The following TPCN2 variants were observed in gnomAD, a reference collection of about 807,000 sequenced individuals.
TPCN2 encodes the protein two pore channel protein 2.
In TPCN2, 92 loss-of-function variants were observed where a neutral mutation model predicts 111.4. The ratio of observed to expected loss-of-function variants is 0.83; its 90% confidence interval spans 0.70 to 0.98. The LOEUF (loss-of-function observed/expected upper bound fraction) is 0.98, where lower values mean the gene tolerates loss of function less well. TPCN2 is among the 50% of genes least tolerant of loss of function. The pLI is 0.00. For missense variants in TPCN2, 995 were observed against 980.1 expected, an observed-to-expected ratio of 1.02 and a Z score of -0.20; for synonymous variants, 405 against 414.5, an observed-to-expected ratio of 0.98 and a Z score of 0.28.
intron 5 of TPCN2, among the ~76,000 whole-genome samples, chr11:69,058,590 G>A (rs928123790): frequency 3.3e-5 from 5 of 152,244 alleles, no homozygotes; most frequent in African/African-American, 7.2e-5. Flanking sequence ...TCCTGTCCCC[G>A]CCTGCCCCAG....
At chr11:69,054,864 A>C (rs534003275) in intron 3 of TPCN2, 67 bp downstream of exon 3, 1 of 1,514,178 alleles carries the variant, frequency 6.6e-7, no homozygotes, top group South Asian at 1.2e-5. Context: ...GCTGGCCCCC[A>C]CCTGGGGATC....
chr11:69,087,744 T>G, intron 24 of TPCN2, 131 bp from the exon 25 acceptor site: 1 of 650,920 alleles, frequency 1.5e-6, no homozygotes, highest in Non-Finnish European at 2.7e-6. Context: ...CTCATCTGAG[T>G]CCCCGTGTCT....
At chr11:69,076,978 T>C (rs373034220) in intron 13 of TPCN2, among the ~76,000 whole-genome samples, 32 of 87,694 alleles carry the variant, frequency 3.6e-4, no homozygotes, top group Admixed American at 6.7e-4. Context: ...CCTCCTGCCA[T>C]GTCCCTCCAC....
At chr11:69,087,375 G>T (rs1405384214) in intron 24 of TPCN2, among the ~76,000 whole-genome samples, 169 bp downstream of exon 24, 1 of 152,184 alleles carries the variant, frequency 6.6e-6, no homozygotes. Context: ...AGCCGGGATC[G>T]GGGCGGCTTC....
At position 69,054,112 on chromosome 11, in the gene TPCN2, C is replaced by T. The variant is rs758216696; in HGVS notation, c.174+15C>T. 13 of 1,610,604 alleles carry T rather than the reference C, an allele frequency of 8.1e-6. No homozygotes were observed. Among genetic ancestry groups the T allele is most frequent in the South Asian group, 1.1e-5 (1 of 90,952 alleles). ...ATGCTATTCAGGTCGGTGGCACCTGCTCCCTGTGGCCGGGCCTGGGGGGTG... is the reference window on the plus strand; with the variant it reads ...ATGCTATTCAGGTCGGTGGCACCTGTTCCCTGTGGCCGGGCCTGGGGGGTG... On this transcript the variant is annotated intron_variant, in intron 2 of 24. Coordinates refer to ENST00000294309, the MANE Select transcript of TPCN2 (RefSeq NM_139075.4).
Position 69,082,710 on chromosome 11 carries a change from CGCGT to C in TPCN2, c.1689+1214_1689+1217del, listed in dbSNP as rs1407933847. On this transcript the variant is annotated intron_variant, in intron 18 of 24. Coordinates refer to ENST00000294309, the MANE Select transcript of TPCN2 (RefSeq NM_139075.4). The stretch of plus-strand genomic sequence containing the variant: ...GACGCATGATCGTGTGTGCACACAT[CGCGT>C]GCAGATATCCATGTGAACTCGTGCC... 3.9e-3 allele frequency among the ~76,000 whole-genome samples: 372 copies of C among 95,060 alleles called. 42 individuals carry two copies. Among genetic ancestry groups the C allele is most frequent in the African/African-American group, 0.014 (349 of 24,544 alleles). 62.4% of individuals were successfully genotyped at this position (95,060 alleles called of 152,430 possible).
At chr11:69,085,576 C>A in intron 20 of TPCN2, 95 bp from the exon 21 acceptor site, 1 of 889,686 alleles carries the variant, frequency 1.1e-6, no homozygotes, top group Non-Finnish European at 1.8e-6. Flanking sequence ...ACCTTCAGGC[C>A]AGGCTGAGCA....
At chr11:69,051,101 T>G (rs1441591960) in intron 1 of TPCN2, among the ~76,000 whole-genome samples, 1 of 152,240 alleles carries the variant, frequency 6.6e-6, no homozygotes, top group Non-Finnish European at 1.5e-5. Flanking sequence ...GGCCCTGTGC[T>G]CTGGTTTGCA....
rs143069586 is a variant in TPCN2, at chr11:69,087,954, C to T, written c.*1C>T. The T allele has an allele frequency of 1.5e-4, 244 of 1,606,330 alleles. 1 individual carries two copies. The African/African-American group carries it at 2.5e-3, about 16-fold the overall frequency. ...CCCGCACCTGTGGCTGTGCAGGTGACGTCCGGGCTGCCGTCCCAGCAGGGG... is the reference window on the plus strand; with the variant it reads ...CCCGCACCTGTGGCTGTGCAGGTGATGTCCGGGCTGCCGTCCCAGCAGGGG... On this transcript the variant is annotated 3_prime_UTR_variant, in exon 25 of 25. Transcript: ENST00000294309.
chr11:69,051,294 T>C (rs1474163020), intron 1 of TPCN2, among the ~76,000 whole-genome samples: 2 of 152,258 alleles, frequency 1.3e-5, no homozygotes, highest in Non-Finnish European at 2.9e-5. Flanking sequence ...ACACTTTTAC[T>C]GGTTATCAAA....
intron 7 of TPCN2, among the ~76,000 whole-genome samples, chr11:69,067,086 G>A (rs1021671448): frequency 7.2e-5 from 11 of 152,282 alleles, no homozygotes; most frequent in African/African-American, 2.6e-4. Flanking sequence ...CAGGCTTCAC[G>A]AAGGGTCCAA....
chr11:69,072,550 G>C, intron 11 of TPCN2, 77 bp from the exon 12 acceptor site: 2 of 1,480,130 alleles, frequency 1.4e-6, no homozygotes, highest in Non-Finnish European at 1.9e-6. Context: ...CCAGACGCCA[G>C]GGCAGGAGGA....
At chr11:69,086,274 C>T (rs1856269187) in intron 22 of TPCN2, among the ~76,000 whole-genome samples, 1 of 152,176 alleles carries the variant, frequency 6.6e-6, no homozygotes, top group Non-Finnish European at 1.5e-5. Context: ...CTCAGACTGG[C>T]CCCAGCTGAT....
Position 69,086,552 on chromosome 11 carries a change from G to A in TPCN2, c.2033G>A (p.Trp678Ter). 1 of 1,614,160 alleles carries A rather than the reference G, an allele frequency of 6.2e-7. No homozygotes were observed. The highest frequency in any genetic ancestry group is 8.5e-7 in the Non-Finnish European group (1 of 1,180,030). Residue 678 changes from tryptophan (W) to a stop codon, truncating the protein, a stop_gained, in exon 23 of 25, where the codon TGG becomes TAG. Transcript: ENST00000294309. LOFTEE classifies it high-confidence loss of function. ...PWSKIYFVLW[W>*]LVSSVIWVNL... ...TCCAAGATCTATTTTGTATTGTGGT[G>A]GCTGGTGTCGTCTGTCATCTGGGTC... is the stretch of plus-strand genomic sequence containing the variant.
rs56042883 is a variant in TPCN2, at chr11:69,089,242, T to TAATAACAATAAC, written c.*1306_*1317dup. 1.3e-5 allele frequency: 2 copies of TAATAACAATAAC among 151,238 alleles called. No homozygotes were observed. The highest frequency in any genetic ancestry group is 4.9e-5 in the African/African-American group (2 of 41,158). The allele number at this position is 151,238 out of a possible 1,614,324, so 9.4% of individuals were successfully genotyped here. A position where few individuals can be genotyped will look rare whatever the true frequency, so the allele number is the denominator to read the frequency against. Reference sequence around the variant, plus strand: ...TGAGTTTCTTTTTACTCGTGTTGAATAATAACAATAACAATAACAATAACA... The same window carrying TAATAACAATAAC: ...TGAGTTTCTTTTTACTCGTGTTGAATAATAACAATAACAATAACAATAACAATAACAATAACA... On this transcript the variant is annotated 3_prime_UTR_variant, in exon 25 of 25. Transcript: ENST00000294309.
At position 69,073,671 on chromosome 11, in the gene TPCN2, G is replaced by A. The variant is rs192355754; in HGVS notation, c.1230+670G>A. On this transcript the variant is annotated intron_variant, in intron 13 of 24. Transcript: ENST00000294309. ...CATTTGTTATCTCACAGTCCTGGCC[G>A]TCAGTCCAAGGCCAAGTGTCACAGG... 4.6e-5 allele frequency among the ~76,000 whole-genome samples: 7 copies of A among 152,352 alleles called. No homozygotes were observed. The East Asian group carries it at 7.7e-4, about 17-fold the overall frequency.
chr11:69,065,208 A>T (rs138516171), intron 7 of TPCN2, among the ~76,000 whole-genome samples: 1 of 151,918 alleles, frequency 6.6e-6, no homozygotes, highest in Non-Finnish European at 1.5e-5. Flanking sequence ...GGTTGTGGAG[A>T]TGGAACCGGC....
At chr11:69,081,589 C>G in intron 18 of TPCN2, 90 bp downstream of exon 18, 2 of 973,498 alleles carry the variant, frequency 2.1e-6, no homozygotes, top group Non-Finnish European at 3.0e-6. Context: ...GCAGGAAGGG[C>G]CCGAGGACTG....
chr11:69,053,267 C>T (rs1255402858), intron 1 of TPCN2, among the ~76,000 whole-genome samples: 1 of 152,260 alleles, frequency 6.6e-6, no homozygotes, highest in Non-Finnish European at 1.5e-5. Context: ...CCCTTCACCA[C>T]AGAAGGCACC....
Sources: gnomAD v4.1 joint callset for allele counts (sites outside exome capture counted in the v4.1 genomes callset) on GRCh38, gnomAD v4.1.1 for gene constraint, MANE v1.5 for transcripts, NCBI Gene and HGNC (gene_info 2026-07-23, HGNC 2026-07-21) for gene names.